The following METTL15 variants were observed in gnomAD, a reference collection of about 807,000 sequenced individuals.
METTL15 encodes methyltransferase 15, mitochondrial 12S rRNA N4-cytidine.
METTL15 carries 34 observed loss-of-function variants against 38.3 expected under a neutral mutation model. The observed-to-expected ratio is 0.89, with a 90% CI of 0.68 to 1.18. The LOEUF is 1.18. METTL15 is among the 50% of genes most tolerant of loss of function. METTL15 has a pLI of 0.00. For missense variants in METTL15, 438 were observed against 498.4 expected (o/e 0.88, Z 1.15); for synonymous variants, 162 against 170.9 (o/e 0.95, Z 0.41).
At chr11:28,171,834 C>G (rs1850870465) in intron 3 of METTL15, among the ~76,000 whole-genome samples, 1 of 151,704 alleles carries the variant, frequency 6.6e-6, no homozygotes, top group African/African-American at 2.4e-5. Flanking sequence ...CTCTATCACC[C>G]AGACTGGAGT....
chr11:28,319,681 T>TA (rs1177364262), intron 6 of METTL15, among the ~76,000 whole-genome samples: 1 of 152,194 alleles, frequency 6.6e-6, no homozygotes, highest in African/African-American at 2.4e-5. Flanking sequence ...CTACCTCTGG[T>TA]ATTTTCCCAA....
At chr11:28,183,904 G>A (rs915868343) in intron 3 of METTL15, among the ~76,000 whole-genome samples, 29 of 152,072 alleles carry the variant, frequency 1.9e-4, no homozygotes, top group African/African-American at 6.7e-4. Flanking sequence ...TTTTTGGTTG[G>A]TAGGCTGTTA....
At chr11:28,517,005 G>C (rs1851724823) in intron 6 of METTL15, 1 of 152,220 alleles carries the variant, frequency 6.6e-6, no homozygotes, top group African/African-American at 2.4e-5. Context: ...AGACCATGTT[G>C]AAGACCTCAG....
intron 6 of METTL15, among the ~76,000 whole-genome samples, chr11:28,524,623 T>C (rs1342295182): frequency 2.0e-5 from 3 of 152,180 alleles, no homozygotes; most frequent in African/African-American, 7.2e-5. Context: ...TCTGTGGAAA[T>C]TGCATTTAAA....
intron 3 of METTL15, 72 bp from the exon 4 acceptor site, chr11:28,210,990 G>A: frequency 6.9e-7 from 1 of 1,445,276 alleles, no homozygotes; most frequent in South Asian, 1.3e-5. Context: ...TGTGCTTCTA[G>A]AAATTGAGAT....
intron 3 of METTL15, among the ~76,000 whole-genome samples, chr11:28,156,041 A>C (rs1850251833): frequency 6.6e-6 from 1 of 152,156 alleles, no homozygotes; most frequent in Non-Finnish European, 1.5e-5. Flanking sequence ...AATAAATGTA[A>C]ATTTCTTCTT....
At chr11:28,113,724 T>A in intron 3 of METTL15, 120 bp downstream of exon 3, 1 of 1,003,768 alleles carries the variant, frequency 1.0e-6, no homozygotes, top group Admixed American at 2.7e-5. Flanking sequence ...ATCCCAACTT[T>A]TGATGGTTGA....
At chr11:28,388,544 A>C (rs1850465294) in intron 5 of METTL15, among the ~76,000 whole-genome samples, 1 of 152,194 alleles carries the variant, frequency 6.6e-6, no homozygotes, top group South Asian at 2.1e-4. Context: ...ACGTTGCTGA[A>C]AGCAATACTA....
chr11:28,389,355 A>G (rs973125414), intron 5 of METTL15, among the ~76,000 whole-genome samples: 27 of 148,450 alleles, frequency 1.8e-4, no homozygotes, highest in African/African-American at 5.9e-4. Flanking sequence ...AGCATTAGGT[A>G]AATCTCCTAA....
chr11:28,391,726 A>G (rs990078335), intron 5 of METTL15, among the ~76,000 whole-genome samples: 1 of 152,204 alleles, frequency 6.6e-6, no homozygotes, highest in African/African-American at 2.4e-5. Context: ...AGGATTCCCT[A>G]TTTAATAAAT....
At chr11:28,415,943 G>T (rs1850768777) in intron 5 of METTL15, among the ~76,000 whole-genome samples, 1 of 152,136 alleles carries the variant, frequency 6.6e-6, no homozygotes, top group African/African-American at 2.4e-5. Context: ...TGGGGCCTGA[G>T]ATAAAAGTAC....
At chr11:28,122,097 C>T in intron 3 of METTL15, 1 of 1,154,588 alleles carries the variant, frequency 8.7e-7, no homozygotes, top group African/African-American at 1.7e-5. Context: ...GTATTAACTC[C>T]ATCTTACTCA....
At chr11:28,377,761 T>C (rs538393628) in intron 5 of METTL15, among the ~76,000 whole-genome samples, 1 of 152,184 alleles carries the variant, frequency 6.6e-6, no homozygotes, top group African/African-American at 2.4e-5. Flanking sequence ...CCAGTTTTTC[T>C]GTTCTGTTTT....
chr11:28,235,491 G>T (rs1395188710), intron 4 of METTL15, among the ~76,000 whole-genome samples: 2 of 152,064 alleles, frequency 1.3e-5, no homozygotes, highest in Admixed American at 1.3e-4. Context: ...TTGAGCAGTG[G>T]TTTGTAGTTC....
intron 6 of METTL15, among the ~76,000 whole-genome samples, chr11:28,314,194 G>A (rs1380526879): frequency 1.3e-5 from 2 of 152,184 alleles, no homozygotes; most frequent in African/African-American, 2.4e-5. Flanking sequence ...TGAGAAAAAT[G>A]ATGAAAACAC....
chr11:28,400,847 C>T (rs1850624006), intron 5 of METTL15, among the ~76,000 whole-genome samples: 1 of 151,930 alleles, frequency 6.6e-6, no homozygotes, highest in African/African-American at 2.4e-5. Context: ...GCAATTTCTC[C>T]TAACCAGCCT....
At chr11:28,227,263 T>C (rs1853519563) in intron 4 of METTL15, among the ~76,000 whole-genome samples, 3 of 151,874 alleles carry the variant, frequency 2.0e-5, no homozygotes, top group African/African-American at 7.2e-5. Context: ...TGTGACTTCA[T>C]AGAGTTTACA....
At chr11:28,227,267 G>A (rs187899900) in intron 4 of METTL15, among the ~76,000 whole-genome samples, 101 of 151,964 alleles carry the variant, frequency 6.6e-4, no homozygotes, top group African/African-American at 2.3e-3. Context: ...ACTTCATAGA[G>A]TTTACAATGT....
chr11:28,179,126 G>C (rs577745036), intron 3 of METTL15, among the ~76,000 whole-genome samples: 2 of 151,896 alleles, frequency 1.3e-5, no homozygotes, highest in African/African-American at 4.8e-5. Flanking sequence ...GTTTGTGTGT[G>C]TATTTTGAAT....
Sources: allele counts gnomAD v4.1 joint callset (sites outside exome capture counted in the v4.1 genomes callset), GRCh38; gene constraint gnomAD v4.1.1; transcripts MANE v1.5; gene names NCBI Gene and HGNC (gene_info 2026-07-23, HGNC 2026-07-21).